The following AR variants were observed in gnomAD, a reference collection of about 807,000 sequenced individuals.
AR encodes the protein dihydrotestosterone receptor.
Under a neutral mutation model 53.9 loss-of-function variants are expected in AR, and 8 were observed. The observed-to-expected ratio is 0.15, with a 90% CI of 0.09 to 0.27. AR has a LOEUF of 0.27. Among genes scored for constraint, AR ranks in the 10% least tolerant of loss-of-function variants. The pLI is 1.00. For missense variants in AR, 639 were observed against 742.5 expected (o/e 0.86, Z 1.62); for synonymous variants, 359 against 316.4 (o/e 1.13, Z -1.43).
chrX:67,704,511 A>G (rs1011135775), intron 3 of AR, among the ~76,000 whole-genome samples: 2 of 110,677 alleles, frequency 1.8e-5, no homozygotes, highest in Non-Finnish European at 3.8e-5. Context: ...TTTTCTTGTA[A>G]ATTTGTTTGA....
chrX:67,628,481 G>C (rs1924834800), intron 1 of AR, among the ~76,000 whole-genome samples: 1 of 108,086 alleles, frequency 9.3e-6, no homozygotes, highest in African/African-American at 3.3e-5. Context: ...TTTGTACATT[G>C]ATTTTGTATC....
At chrX:67,703,717 A>G (rs2076052646) in intron 3 of AR, among the ~76,000 whole-genome samples, 1 of 111,810 alleles carries the variant, frequency 8.9e-6, no homozygotes, top group Non-Finnish European at 1.9e-5. Flanking sequence ...ACATATGTAT[A>G]CATGTGCCAA....
intron 2 of AR, among the ~76,000 whole-genome samples, chrX:67,676,916 A>G (rs976305652): frequency 9.1e-6 from 1 of 110,254 alleles, no homozygotes; most frequent in Non-Finnish European, 1.9e-5. Flanking sequence ...TGACATGTGG[A>G]CTCTCTGAAA....
chrX:67,616,573 A>T (rs1312479221), intron 1 of AR, among the ~76,000 whole-genome samples: 2 of 111,348 alleles, frequency 1.8e-5, no homozygotes, highest in Non-Finnish European at 3.8e-5. Context: ...TATATGTGCC[A>T]CATTTTCTTT....
intron 1 of AR, among the ~76,000 whole-genome samples, chrX:67,587,289 G>A (rs1922593917): frequency 1.8e-5 from 2 of 112,438 alleles, no homozygotes; most frequent in African/African-American, 6.5e-5. Flanking sequence ...ATCCTTGCTG[G>A]AAGCCAGCCA....
rs2147524696 is a variant in AR, at chrX:67,711,543, A to G, written c.2027A>G (p.Asn676Ser). Residue 676 changes from asparagine (N) to serine (S), a missense_variant, in exon 4 of 8, where the codon AAT becomes AGT. Asn to Ser is a conservative substitution (Grantham distance 46). Around this residue, in one of 5 missense-constraint regions of AR, gnomAD observed 95 missense variants for 196.4 expected, o/e 0.48. Transcript: ENST00000374690. ...EGYECQPIFL[N>S]VLEAIEPGVV... Reference sequence around the variant, plus strand: ...TATGAATGTCAGCCCATCTTTCTGAATGTCCTGGAAGCCATTGAGCCAGGT... The same window carrying G: ...TATGAATGTCAGCCCATCTTTCTGAGTGTCCTGGAAGCCATTGAGCCAGGT... 1 of 1,211,610 alleles carries G rather than the reference A, an allele frequency of 8.3e-7. No individual in the cohort carries two copies. Among genetic ancestry groups the G allele is most frequent in the Non-Finnish European group, 1.1e-6 (1 of 895,528 alleles).
intron 1 of AR, among the ~76,000 whole-genome samples, chrX:67,616,796 CTG>C (rs1054962255): frequency 9.0e-6 from 1 of 111,237 alleles, no homozygotes; most frequent in Non-Finnish European, 1.9e-5. Context: ...GGGGATAAAA[CTG>C]TGAACAAAAC....
chrX:67,595,315 C>T (rs766521031), intron 1 of AR, among the ~76,000 whole-genome samples: 1 of 108,932 alleles, frequency 9.2e-6, no homozygotes, highest in Non-Finnish European at 1.9e-5. Context: ...ACAAAATGAG[C>T]TTGAGAAAAA....
intron 1 of AR, among the ~76,000 whole-genome samples, chrX:67,641,638 G>C (rs1020824658): frequency 2.7e-5 from 3 of 111,445 alleles, no homozygotes; most frequent in Non-Finnish European, 5.7e-5. Flanking sequence ...AGTTAGGGTA[G>C]GGAAAGGAAG....
chrX:67,711,595 C>A lies in AR; in HGVS notation c.2079C>A (p.Asn693Lys), dbSNP rs2147524944. 8.3e-7 allele frequency: 1 copy of A among 1,211,500 alleles called. No individual in the cohort carries two copies. Among genetic ancestry groups the A allele is most frequent in the Non-Finnish European group, 1.1e-6 (1 of 895,335 alleles). Residue 693 changes from asparagine to lysine, a missense_variant, in exon 4 of 8, where the codon AAC becomes AAA. This residue lies in a region of AR where 95 missense variants were observed against 196.4 expected (regional missense o/e 0.48). Transcript: ENST00000374690. ...PGVVCAGHDNNQPDSFAALLS... is the reference protein window; with the variant it reads ...PGVVCAGHDNKQPDSFAALLS... ...TAGTGTGTGCTGGACACGACAACAA[C>A]CAGCCCGACTCCTTTGCAGCCTTGC...
intron 1 of AR, among the ~76,000 whole-genome samples, chrX:67,553,006 T>C: frequency 8.9e-6 from 1 of 112,000 alleles, no homozygotes; most frequent in Non-Finnish European, 1.9e-5. Context: ...TTTCCTTTTT[T>C]TTCTTTTTAC....
chrX:67,571,318 G>A (rs774114992), intron 1 of AR, among the ~76,000 whole-genome samples: 1 of 111,471 alleles, frequency 9.0e-6, no homozygotes, highest in Non-Finnish European at 1.9e-5. Flanking sequence ...CACTGATATG[G>A]GCAGGGGGTT....
chrX:67,646,238 G>A (rs768373101), intron 2 of AR, among the ~76,000 whole-genome samples: 1 of 111,487 alleles, frequency 9.0e-6, no homozygotes, highest in Non-Finnish European at 1.9e-5. Flanking sequence ...TCAGCACAGA[G>A]TCAGTTGTAA....
intron 2 of AR, among the ~76,000 whole-genome samples, chrX:67,664,354 G>C (rs1486737700): frequency 3.6e-5 from 4 of 112,146 alleles, no homozygotes; most frequent in Non-Finnish European, 7.5e-5. Context: ...CTCAGCTGCA[G>C]GTCTGTTGGA....
At chrX:67,625,070 G>T (rs1437623988) in intron 1 of AR, among the ~76,000 whole-genome samples, 1 of 110,195 alleles carries the variant, frequency 9.1e-6, no homozygotes, top group Non-Finnish European at 1.9e-5. Flanking sequence ...GTTCAGCAAG[G>T]TTTCAGAATA....
chrX:67,555,231 G>T (rs1333956042), intron 1 of AR, among the ~76,000 whole-genome samples: 1 of 111,853 alleles, frequency 8.9e-6, no homozygotes. Context: ...GGCTGAAGTG[G>T]TCAGCAATGT....
intron 7 of AR, among the ~76,000 whole-genome samples, 188 bp from the exon 8 acceptor site, chrX:67,723,494 TTCTC>T (rs775253278): frequency 2.5e-5 from 2 of 78,551 alleles, no homozygotes; most frequent in Non-Finnish European, 5.0e-5. Flanking sequence ...GACCATTTCT[TTCTC>T]TCTCTCTCGC....
At chrX:67,594,960 G>A (rs769084296) in intron 1 of AR, among the ~76,000 whole-genome samples, 7 of 110,459 alleles carry the variant, frequency 6.3e-5, no homozygotes, top group Non-Finnish European at 1.1e-4. Context: ...AAGAAAGAAA[G>A]AAGAGAGAGA....
chrX:67,690,201 C>G (rs751089682), intron 3 of AR, among the ~76,000 whole-genome samples: 1 of 111,722 alleles, frequency 9.0e-6, no homozygotes, highest in African/African-American at 3.3e-5. Flanking sequence ...TTCACAGATT[C>G]GTCTAGCATA....
Sources: gnomAD v4.1 joint callset for allele counts (sites outside exome capture counted in the v4.1 genomes callset) on GRCh38, gnomAD v4.1.1 for gene constraint, gnomAD v4.1.1 regional missense constraint, MANE v1.5 for transcripts, NCBI Gene and HGNC (gene_info 2026-07-23, HGNC 2026-07-21) for gene names.